DUOXA2: variants seen among roughly 807,000 people sequenced by gnomAD.
DUOXA2 encodes the protein dual oxidase maturation factor 2.
DUOXA2 carries 22 observed loss-of-function variants against 27.6 expected under a neutral mutation model. That is an observed-to-expected ratio of 0.80 (90% confidence interval 0.57 to 1.14). The LOEUF is 1.14. Among genes scored for constraint, DUOXA2 ranks in the 50% most tolerant of loss-of-function variants. DUOXA2 has a pLI of 0.00. For missense variants in DUOXA2, 481 were observed against 419.9 expected, an observed-to-expected ratio of 1.15 and a Z score of -1.27; for synonymous variants, 188 against 184.4, an observed-to-expected ratio of 1.02 and a Z score of -0.16.
rs200789957 is a variant in DUOXA2, at chr15:45,117,147, T to C, written c.611T>C (p.Leu204Pro). 181 of 1,602,752 alleles carry C rather than the reference T, an allele frequency of 1.1e-4. No individual in the cohort carries two copies. Among genetic ancestry groups the C allele is most frequent in the Non-Finnish European group, 1.4e-4 (169 of 1,179,892 alleles). Residue 204 changes from leucine to proline, a missense_variant, in exon 5 of 6, where the codon CTC (leucine) becomes CCC (proline). Coordinates refer to ENST00000323030, the MANE Select transcript of DUOXA2 (RefSeq NM_207581.4). ...GTGCTGCTCTCCACGCCGGCCCCGC[T>C]CTACGGAGGCCTGGCACTGCTGACC... ...SNVLLSTPAPLYGGLALLTTG... is the reference protein window; with the variant it reads ...SNVLLSTPAPPYGGLALLTTG...
intron 4 of DUOXA2, 169 bp downstream of exon 4, chr15:45,116,898 A>T: frequency 9.3e-7 from 1 of 1,070,628 alleles, no homozygotes; most frequent in Non-Finnish European, 1.4e-6. Flanking sequence ...ATCTGCACAG[A>T]CGGAATCCGG....
At chr15:45,115,287 G>A in intron 1 of DUOXA2, 1 of 371,374 alleles carries the variant, frequency 2.7e-6, no homozygotes, top group South Asian at 2.0e-5. Context: ...AACCTAGGTT[G>A]TGCATTTTTC....
chr15:45,115,428 A>G (rs1253050717), intron 1 of DUOXA2: 3 of 494,718 alleles, frequency 6.1e-6, no homozygotes, highest in African/African-American at 5.8e-5. Flanking sequence ...CTTCTGAGGG[A>G]GGTGACCCCT....
In DUOXA2 at chr15:45,114,753, G is replaced by C. The variant is rs200862688; in HGVS notation, c.147+1G>C. 4 of 1,614,098 alleles carry C rather than the reference G, an allele frequency of 2.5e-6. No homozygotes were observed. In the African/African-American group the frequency reaches 4.0e-5, roughly 16 times the overall value. ...CTTGCCGGGGATCCGTGGCCACTCG[G>C]TAAGGGTGTCCTCATAGTGCAGGTA... On this transcript the variant is annotated splice_donor_variant, in intron 1 of 5. Transcript: ENST00000323030. LOFTEE classifies it high-confidence loss of function.
At chr15:45,117,499 C>T in intron 5 of DUOXA2, 194 bp downstream of exon 5, 1 of 1,552,556 alleles carries the variant, frequency 6.4e-7, no homozygotes, top group Non-Finnish European at 8.7e-7. Flanking sequence ...TGGTGTCTTG[C>T]CGTGTTTCAT....
intron 3 of DUOXA2, 47 bp from the exon 4 acceptor site, chr15:45,116,469 G>C: frequency 1.2e-6 from 2 of 1,606,364 alleles, no homozygotes; most frequent in Non-Finnish European, 8.5e-7. Context: ...GCTTAGTTGC[G>C]AGGTCTCCGA....
At chr15:45,116,921 C>A in intron 4 of DUOXA2, 170 bp from the exon 5 acceptor site, 2 of 1,052,826 alleles carry the variant, frequency 1.9e-6, no homozygotes, top group Non-Finnish European at 2.8e-6. Context: ...AGACTCCAGC[C>A]ACCGCCTGGA....
intron 2 of DUOXA2, 61 bp from the exon 3 acceptor site, chr15:45,116,063 C>G: frequency 1.2e-6 from 2 of 1,612,484 alleles, no homozygotes; most frequent in Non-Finnish European, 1.7e-6. Flanking sequence ...ACCTCCCATA[C>G]CACTCTCTAA....
intron 1 of DUOXA2, chr15:45,115,360 A>T (rs750281586): frequency 1.0e-4 from 46 of 456,248 alleles, no homozygotes; most frequent in Non-Finnish European, 1.6e-4. Flanking sequence ...GAACTGGTGC[A>T]CCTAGGAGTA....
chr15:45,117,742 G>T lies in DUOXA2; in HGVS notation c.796G>T (p.Ala266Ser). The T allele has an allele frequency of 6.2e-7, 1 of 1,613,014 alleles. No homozygotes were observed. Among genetic ancestry groups the T allele is most frequent in the Non-Finnish European group, 8.5e-7 (1 of 1,179,170 alleles). Residue 266 changes from alanine (A) to serine (S), a missense_variant, in exon 6 of 6, where the codon GCC (alanine) becomes TCC (serine). Coordinates refer to ENST00000323030, the MANE Select transcript of DUOXA2 (RefSeq NM_207581.4). ...CGTCCTGTGCCTCTTCCTCGGAGGG[G>T]CCGTGGTGAGTCTCCAGTATGTTCG... Reference protein sequence around the residue: ...TGVLCLFLGGAVVSLQYVRPS... With the variant: ...TGVLCLFLGGSVVSLQYVRPS...
intron 1 of DUOXA2, chr15:45,115,590 A>T: frequency 1.4e-6 from 1 of 704,504 alleles, no homozygotes; most frequent in Non-Finnish European, 2.6e-6. Context: ...GTTAGGGTAG[A>T]TGGGAAATGG....
At chr15:45,117,329 C>CG (rs1433996584) in intron 5 of DUOXA2, 24 bp downstream of exon 5, 1 of 1,565,674 alleles carries the variant, frequency 6.4e-7, no homozygotes, top group Non-Finnish European at 8.7e-7. Flanking sequence ...GAATGGGCCC[C>CG]GGGGGCTAAG....
In DUOXA2 at chr15:45,116,638, C is replaced by G. The variant is rs201808443; in HGVS notation, c.463C>G (p.Leu155Val). 454 of 1,613,766 alleles carry G rather than the reference C, an allele frequency of 2.8e-4. No individual in the cohort carries two copies. Among genetic ancestry groups the G allele is most frequent in the Middle Eastern group, 1.6e-4 (1 of 6,084 alleles). Reference protein sequence around the residue: ...ALEKGLPDPVLYLAEKFTPSS... With the variant: ...ALEKGLPDPVVYLAEKFTPSS... Reference sequence around the variant, plus strand: ...GGAGAAGGGGCTGCCGGACCCAGTGCTCTACCTGGCGGAGAAGTTCACACC... The same window carrying G: ...GGAGAAGGGGCTGCCGGACCCAGTGGTCTACCTGGCGGAGAAGTTCACACC... The change falls in exon 4 of 6, where the codon CTC (leucine) becomes GTC (valine). Residue 155 changes from leucine (L) to valine (V), a missense_variant. Coordinates refer to ENST00000323030, the MANE Select transcript of DUOXA2 (RefSeq NM_207581.4).
chr15:45,116,715 C>G lies in DUOXA2; in HGVS notation c.540C>G (p.Ala180=). The G allele has an allele frequency of 6.2e-7, 1 of 1,613,368 alleles. No homozygotes were observed. Among genetic ancestry groups the G allele is most frequent in the East Asian group, 2.2e-5 (1 of 44,884 alleles). Residue 180 remains alanine (A), a synonymous_variant, in exon 4 of 6, where the codon GCC becomes GCG. Transcript: ENST00000323030. ...YHQYHLAGHY[A]SATLWVAFCF... ...AGTACCACCTGGCGGGACACTACGCCTCGGCCACGCTATGGTAAGTGCTGG... is the reference window on the plus strand; with the variant it reads ...AGTACCACCTGGCGGGACACTACGCGTCGGCCACGCTATGGTAAGTGCTGG...
Position 45,118,121 on chromosome 15 carries a change from A to C in DUOXA2, c.*212A>C, listed in dbSNP as rs1018422410. The C allele has an allele frequency of 1.6e-5, 23 of 1,452,552 alleles. No individual in the cohort carries two copies. Among genetic ancestry groups the C allele is most frequent in the Non-Finnish European group, 2.1e-5 (23 of 1,107,428 alleles). The allele number at this position is 1,452,552 out of a possible 1,614,324, so 90.0% of individuals were successfully genotyped here. ...TTTTTTAAAAACTGTTTTTCCCATTAATTTTCATGGCTTCTCCGCGCCGGG... is the reference window on the plus strand; with the variant it reads ...TTTTTTAAAAACTGTTTTTCCCATTCATTTTCATGGCTTCTCCGCGCCGGG... On this transcript the variant is annotated 3_prime_UTR_variant, in exon 6 of 6. Coordinates refer to ENST00000323030, the MANE Select transcript of DUOXA2 (RefSeq NM_207581.4).
rs776759187 is a variant in DUOXA2 at position 45,117,983 on chromosome 15, C to T, written c.*74C>T. ...GGAAGCAGTGCCCGCCAGGCCTGGG[C>T]CAGGAGAGCTCCAGGAAGGGCACTG... is the stretch of plus-strand genomic sequence containing the variant. On this transcript the variant is annotated 3_prime_UTR_variant, in exon 6 of 6. Transcript: ENST00000323030. The T allele has an allele frequency of 1.2e-6, 2 of 1,612,434 alleles. No individual in the cohort carries two copies. Among genetic ancestry groups the T allele is most frequent in the Non-Finnish European group, 1.7e-6 (2 of 1,179,514 alleles).
rs1037635609 is a variant in DUOXA2 at position 45,116,728 on chromosome 15, T to C, written c.553T>C (p.Trp185Arg). The C allele has an allele frequency of 1.9e-6, 3 of 1,612,952 alleles. No individual in the cohort carries two copies. Among genetic ancestry groups the C allele is most frequent in the African/African-American group, 2.7e-5 (2 of 74,860 alleles). ...LAGHYASATL[W>R]VAFCFWLLSN... ...GGGACACTACGCCTCGGCCACGCTA[T>C]GGTAAGTGCTGGAGGGAAGGCTGTG... Residue 185 changes from tryptophan to arginine, a missense_variant and splice_region_variant, in exon 4 of 6, where the codon TGG becomes CGG. Transcript: ENST00000323030.
intron 5 of DUOXA2, 134 bp from the exon 6 acceptor site, chr15:45,117,582 G>A (rs1290441047): frequency 1.9e-6 from 3 of 1,608,784 alleles, no homozygotes; most frequent in East Asian, 2.2e-5. Flanking sequence ...GAAGGCCCGG[G>A]CATCACGCCT....
Position 45,117,161 on chromosome 15 carries a change from G to A in DUOXA2, c.625G>A (p.Ala209Thr). 1.2e-6 allele frequency: 2 copies of A among 1,604,238 alleles called. No individual in the cohort carries two copies. Among genetic ancestry groups the A allele is most frequent in the East Asian group, 2.2e-5 (1 of 44,858 alleles). ...STPAPLYGGL[A>T]LLTTGAFALF... ...GCCGGCCCCGCTCTACGGAGGCCTG[G>A]CACTGCTGACCACCGGAGCCTTCGC... Residue 209 changes from alanine (A) to threonine (T), a missense_variant, in exon 5 of 6, where the codon GCA becomes ACA. Ala to Thr is a moderately conservative substitution (Grantham distance 58). Transcript: ENST00000323030.
Sources: gnomAD v4.1 joint callset for allele counts on GRCh38, gnomAD v4.1.1 for gene constraint, MANE v1.5 for transcripts, NCBI Gene and HGNC (gene_info 2026-07-23, HGNC 2026-07-21) for gene names.